KCNAB1: variants seen among roughly 807,000 people sequenced by gnomAD.
KCNAB1 encodes voltage-gated potassium channel subunit beta-1.
In KCNAB1, 35 loss-of-function variants were observed where a neutral mutation model predicts 64.6. The observed-to-expected ratio is 0.54, with a 90% CI of 0.41 to 0.72. The LOEUF (loss-of-function observed/expected upper bound fraction) is 0.72, where lower values mean the gene tolerates loss of function less well. KCNAB1 is among the 30% of genes least tolerant of loss of function. KCNAB1 has a pLI of 0.00. For missense variants in KCNAB1, 401 were observed against 512.9 expected, an observed-to-expected ratio of 0.78 and a Z score of 2.11; for synonymous variants, 177 against 183.8, an observed-to-expected ratio of 0.96 and a Z score of 0.30.
chr3:156,501,390 A>ATCCTAAG (rs570982966), intron 8 of KCNAB1, among the ~76,000 whole-genome samples: 176 of 147,806 alleles, frequency 1.2e-3, no homozygotes, highest in African/African-American at 4.2e-3. Flanking sequence ...ATGCAGATAT[A>ATCCTAAG]TCCTAAGTCC....
At chr3:156,469,794 A>C (rs1010706107) in intron 7 of KCNAB1, among the ~76,000 whole-genome samples, 2 of 152,248 alleles carry the variant, frequency 1.3e-5, no homozygotes, top group African/African-American at 4.8e-5. Flanking sequence ...GAACTAGCTC[A>C]AAGTATTTTC....
intron 1 of KCNAB1, among the ~76,000 whole-genome samples, chr3:156,372,204 G>A (rs563340316): frequency 6.6e-5 from 10 of 152,268 alleles, no homozygotes; most frequent in African/African-American, 1.4e-4. Flanking sequence ...ATTTCCTCAC[G>A]GAGAAAATAA....
chr3:156,410,280 C>T (rs747419303), intron 1 of KCNAB1, among the ~76,000 whole-genome samples: 5 of 152,146 alleles, frequency 3.3e-5, no homozygotes, highest in Non-Finnish European at 5.9e-5. Context: ...AACAAATTTG[C>T]CAGGTAGAGT....
At chr3:156,398,189 A>C (rs1204881428) in intron 1 of KCNAB1, among the ~76,000 whole-genome samples, 2 of 152,150 alleles carry the variant, frequency 1.3e-5, no homozygotes, top group African/African-American at 4.8e-5. Flanking sequence ...AACAATGAGA[A>C]CACATGGACA....
At chr3:156,510,848 G>A (rs964077009) in intron 8 of KCNAB1, among the ~76,000 whole-genome samples, 2 of 152,102 alleles carry the variant, frequency 1.3e-5, no homozygotes, top group Non-Finnish European at 2.9e-5. Context: ...CCTGTGTGCC[G>A]GCTTCCCTCC....
chr3:156,341,377 C>T (rs186344047), intron 1 of KCNAB1, among the ~76,000 whole-genome samples: 104 of 152,300 alleles, frequency 6.8e-4, no homozygotes, highest in Non-Finnish European at 1.3e-3. Flanking sequence ...CAAGAAAAAG[C>T]GATACCAGTA....
intron 1 of KCNAB1, among the ~76,000 whole-genome samples, chr3:156,199,471 G>A (rs770032065): frequency 2.0e-5 from 3 of 152,060 alleles, no homozygotes; most frequent in African/African-American, 7.2e-5. Flanking sequence ...TGTAGCTTTG[G>A]TCTTTTCACA....
In KCNAB1 at chr3:156,392,751, A is replaced by G. The variant is rs186308319; in HGVS notation, c.276-28865A>G. Reference sequence around the variant, plus strand: ...GCAACTATTGGAATGATCAAAGGACATTTTTTCCCCTTATATTATCTAACT... The same window carrying G: ...GCAACTATTGGAATGATCAAAGGACGTTTTTTCCCCTTATATTATCTAACT... On this transcript the variant is annotated intron_variant, in intron 1 of 13. Coordinates refer to ENST00000490337, the MANE Select transcript of KCNAB1 (RefSeq NM_172160.3). Among the ~76,000 whole-genome samples the G allele has an allele frequency of 4.8e-3, 727 of 152,282 alleles. 9 individuals are homozygous for G. Among genetic ancestry groups the G allele is most frequent in the African/African-American group, 0.015 (640 of 41,558 alleles).
At chr3:156,408,068 C>T (rs1576828177) in intron 1 of KCNAB1, among the ~76,000 whole-genome samples, 1 of 150,898 alleles carries the variant, frequency 6.6e-6, no homozygotes, top group South Asian at 2.1e-4. Context: ...CAGTGGCGGG[C>T]GGTGGTGGCG....
In KCNAB1 at chr3:156,176,230, A is replaced by C. The variant is rs980931221; in HGVS notation, c.275+55344A>C. Reference sequence around the variant, plus strand: ...AGTCACTGAATCTGCATGGCCTGTCATGGTGTAGGTTAGTTTGTTCTGGCA... The same window carrying C: ...AGTCACTGAATCTGCATGGCCTGTCCTGGTGTAGGTTAGTTTGTTCTGGCA... On this transcript the variant is annotated intron_variant, in intron 1 of 13. Transcript: ENST00000490337. 1.8e-5 allele frequency: 14 copies of C among 786,708 alleles called. No individual in the cohort carries two copies. The African/African-American group carries it at 2.4e-4, about 13-fold the overall frequency. The allele number at this position is 786,708 out of a possible 1,614,324, so 48.7% of individuals were successfully genotyped here. A position where few individuals can be genotyped will look rare whatever the true frequency, so the allele number is the denominator to read the frequency against.
intron 5 of KCNAB1, chr3:156,460,192 T>C: frequency 3.8e-6 from 1 of 259,808 alleles, no homozygotes. Flanking sequence ...TTGCAGGAAG[T>C]AACTTGACAA....
rs947529867 is a variant in KCNAB1, at chr3:156,187,914, A to G, written c.275+67028A>G. Among the ~76,000 whole-genome samples the G allele has an allele frequency of 4.6e-5, 7 of 151,946 alleles. No individual in the cohort carries two copies. In the East Asian group the frequency reaches 7.7e-4, roughly 17 times the overall value. On this transcript the variant is annotated intron_variant, in intron 1 of 13. Transcript: ENST00000490337. The stretch of plus-strand genomic sequence containing the variant: ...CAATTTATAGCTTAATTTCTCATCA[A>G]TTTCACTCCTTTGTACTTCACAAGC...
chr3:156,509,095 G>C (rs1174968363), intron 8 of KCNAB1, among the ~76,000 whole-genome samples: 1 of 152,002 alleles, frequency 6.6e-6, no homozygotes, highest in Non-Finnish European at 1.5e-5. Flanking sequence ...AAGAGGGAGA[G>C]GAAGAGAGAG....
chr3:156,211,978 A>T (rs1456510076), intron 1 of KCNAB1, among the ~76,000 whole-genome samples: 1 of 152,208 alleles, frequency 6.6e-6, no homozygotes, highest in African/African-American at 2.4e-5. Flanking sequence ...GATGCTGGCT[A>T]ATGTGGCTGC....
chr3:156,260,331 A>G (rs1718358924), intron 1 of KCNAB1, among the ~76,000 whole-genome samples: 3 of 152,230 alleles, frequency 2.0e-5, no homozygotes, highest in South Asian at 2.1e-4. Context: ...CAGTGATTTT[A>G]GTAAACTTAT....
chr3:156,444,258 T>C (rs1396486681), intron 2 of KCNAB1, among the ~76,000 whole-genome samples: 3 of 152,212 alleles, frequency 2.0e-5, no homozygotes, highest in Non-Finnish European at 4.4e-5. Context: ...GCTCAGAGCA[T>C]TGTTTTGCCT....
At chr3:156,265,787 G>A (rs550495239) in intron 1 of KCNAB1, among the ~76,000 whole-genome samples, 8 of 152,294 alleles carry the variant, frequency 5.3e-5, no homozygotes, top group African/African-American at 1.7e-4. Context: ...GAGGTCAGGA[G>A]ATTGAGACCA....
intron 1 of KCNAB1, among the ~76,000 whole-genome samples, chr3:156,141,363 G>A (rs1714698072): frequency 1.3e-5 from 2 of 152,088 alleles, no homozygotes; most frequent in Non-Finnish European, 2.9e-5. Context: ...TCCATTATAA[G>A]AATCCCACCT....
intron 1 of KCNAB1, chr3:156,143,408 G>A: frequency 6.3e-7 from 1 of 1,587,458 alleles, no homozygotes; most frequent in Non-Finnish European, 8.6e-7. Flanking sequence ...GCAGAGACGG[G>A]CATGGCATAC....
Sources: gnomAD v4.1 joint callset for allele counts (sites outside exome capture counted in the v4.1 genomes callset) on GRCh38, gnomAD v4.1.1 for gene constraint, MANE v1.5 for transcripts, NCBI Gene and HGNC (gene_info 2026-07-23, HGNC 2026-07-21) for gene names.